Variants in GRSF1 observed in about 807,000 individuals in gnomAD.
GRSF1 encodes G-rich sequence factor 1.
A neutral mutation model predicts 51.1 loss-of-function variants in GRSF1; 50 were observed. That is an observed-to-expected ratio of 0.98 (90% confidence interval 0.78 to 1.24). GRSF1 has a LOEUF of 1.24. Ranked by LOEUF, GRSF1 falls within the 50% of genes most tolerant of loss-of-function variation. The pLI, the probability that GRSF1 is intolerant of heterozygous loss-of-function variation, is 0.00. For missense variants in GRSF1, 700 were observed against 639.7 expected (o/e 1.09, Z -1.02); for synonymous variants, 293 against 253.3 (o/e 1.16, Z -1.49).
intron 1 of GRSF1, 166 bp downstream of exon 1, chr4:70,839,305 C>A (rs1423099831): frequency 6.7e-7 from 1 of 1,501,434 alleles, no homozygotes; most frequent in Non-Finnish European, 8.9e-7. Context: ...TTCCCTTGTT[C>A]CAGGGCCCAA....
upstream of GRSF1, among the ~76,000 whole-genome samples, chr4:70,842,058 C>A (rs1734470858): frequency 6.6e-6 from 1 of 152,148 alleles, no homozygotes; most frequent in African/African-American, 2.4e-5. Flanking sequence ...AAGGGCAGGC[C>A]CCCAAGAGAG....
chr4:70,829,643 ACT>A (rs1249454171), intron 5 of GRSF1, among the ~76,000 whole-genome samples: 6 of 152,028 alleles, frequency 3.9e-5, no homozygotes, highest in Admixed American at 2.6e-4. Flanking sequence ...ACAGAATAAG[ACT>A]CTGTCTAAAA....
chr4:70,839,294 C>G (rs1037784894), intron 1 of GRSF1, 177 bp downstream of exon 1: 8 of 1,499,480 alleles, frequency 5.3e-6, no homozygotes, highest in African/African-American at 1.4e-5. Context: ...CCTGGGAGAG[C>G]TTCCCTTGTT....
chr4:70,841,854 G>T (rs1734467049), upstream of GRSF1, among the ~76,000 whole-genome samples: 1 of 152,226 alleles, frequency 6.6e-6, no homozygotes, highest in Admixed American at 6.5e-5. Flanking sequence ...CAGTCCGACG[G>T]AGAGTATTGT....
At chr4:70,829,180 C>CA (rs1733860054) in intron 5 of GRSF1, among the ~76,000 whole-genome samples, 1 of 152,098 alleles carries the variant, frequency 6.6e-6, no homozygotes, top group Non-Finnish European at 1.5e-5. Flanking sequence ...CATGGGCCAC[C>CA]GCGCCCAGCA....
intron 9 of GRSF1, among the ~76,000 whole-genome samples, chr4:70,823,967 T>A (rs1043719649): frequency 2.0e-5 from 1 of 50,274 alleles, no homozygotes; most frequent in African/African-American, 4.1e-5. Flanking sequence ...TCCACAGTTG[T>A]ATCTCTCTCT....
intron 1 of GRSF1, 65 bp downstream of exon 1, chr4:70,839,406 C>G (rs1356197611): frequency 6.0e-6 from 9 of 1,498,842 alleles, no homozygotes; most frequent in Non-Finnish European, 8.0e-6. Flanking sequence ...GACGGAGGGG[C>G]GCGGGGGCGC....
chr4:70,826,750 G>A (rs1469652814), intron 6 of GRSF1, among the ~76,000 whole-genome samples: 1 of 151,960 alleles, frequency 6.6e-6, no homozygotes, highest in Admixed American at 6.6e-5. Flanking sequence ...CAGGAGGCTG[G>A]GGTGGAAGAA....
rs952996418 is a variant in GRSF1 at position 70,820,687 on chromosome 4, T to C, written c.*200A>G. The C allele has an allele frequency of 5.9e-5, 9 of 152,616 alleles. No individual in the cohort carries two copies. Among genetic ancestry groups the C allele is most frequent in the Non-Finnish European group, 1.2e-4 (8 of 68,042 alleles). 9.5% of individuals were successfully genotyped at this position (152,616 alleles called of 1,614,324 possible). On this transcript the variant is annotated 3_prime_UTR_variant, in exon 10 of 10. Coordinates refer to ENST00000254799, the MANE Select transcript of GRSF1 (RefSeq NM_002092.4). ...AAATTTTAATTTGTGGTTTATTTCA[T>C]AATCCCAAACTGGATCTTTCATTTC...
intron 3 of GRSF1, 117 bp from the exon 4 acceptor site, chr4:70,832,567 T>C (rs1734026784): frequency 3.2e-6 from 2 of 616,716 alleles, no homozygotes; most frequent in Admixed American, 2.9e-5. Flanking sequence ...ATTTTAATCT[T>C]TATGCGCTTC....
chr4:70,827,975 CCTTAT>C lies in GRSF1; in HGVS notation c.1007_1011del (p.Tyr336TrpfsTer11), dbSNP rs1560596840. The C allele has an allele frequency of 6.2e-7, 1 of 1,613,234 alleles. No homozygotes were observed. Among genetic ancestry groups the C allele is most frequent in the Admixed American group, 1.7e-5 (1 of 60,004 alleles). On this transcript the variant is annotated frameshift_variant, in exon 6 of 10. Coordinates refer to ENST00000254799, the MANE Select transcript of GRSF1 (RefSeq NM_002092.4). LOFTEE classifies it high-confidence loss of function. ...GTAGGAAAAGATGCGATTTTCTTTC[CCTTAT>C]AAGAACCGACATGTGTTCGAACTTC...
rs1287724771 is a variant in GRSF1 at position 70,839,549 on chromosome 4, G to A, written c.279C>T (p.Ser93=). 18 of 1,427,608 alleles carry A rather than the reference G, an allele frequency of 1.3e-5. No homozygotes were observed. Among genetic ancestry groups the A allele is most frequent in the Non-Finnish European group, 1.4e-5 (15 of 1,093,754 alleles). The allele number at this position is 1,427,608 out of a possible 1,614,324, so 88.4% of individuals were successfully genotyped here. A position where few individuals can be genotyped will look rare whatever the true frequency, so the allele number is the denominator to read the frequency against. Reference sequence around the variant, plus strand: ...GCAGAGAGGCACGGAGGGCAGAGTAGGACGCGGCGGCCGCGGCCGCGGCAG... The same window carrying A: ...GCAGAGAGGCACGGAGGGCAGAGTAAGACGCGGCGGCCGCGGCCGCGGCAG... ...ATSAAAAAAA[S]YSALRASLLP... The change falls in exon 1 of 10, where the codon TCC becomes TCT. Residue 93 remains serine (S), a synonymous_variant. Transcript: ENST00000254799.
chr4:70,835,287 C>T (rs1323569419), intron 2 of GRSF1, among the ~76,000 whole-genome samples: 1 of 151,038 alleles, frequency 6.6e-6, no homozygotes, highest in Non-Finnish European at 1.5e-5. Flanking sequence ...ACTAAAAATA[C>T]AAAAAATTAA....
At chr4:70,821,538 G>A (rs895597552) in intron 9 of GRSF1, among the ~76,000 whole-genome samples, 2 of 151,388 alleles carry the variant, frequency 1.3e-5, no homozygotes, top group Non-Finnish European at 2.9e-5. Flanking sequence ...CCCGGGGGGC[G>A]GAGGTTGCAG....
chr4:70,832,464 ACC>A lies in GRSF1; in HGVS notation c.671-16_671-15del. The A allele has an allele frequency of 3.8e-6, 6 of 1,564,494 alleles. No homozygotes were observed. The highest frequency in any genetic ancestry group is 5.3e-6 in the Non-Finnish European group (6 of 1,138,022). On this transcript the variant is annotated splice_polypyrimidine_tract_variant and intron_variant, in intron 3 of 9. Transcript: ENST00000254799. ...TTATCTCATATACTACGAAGAAAAAACCCAACAGGGATGAAAAATTTACATAA... is the reference window on the plus strand; with the variant it reads ...TTATCTCATATACTACGAAGAAAAAACAACAGGGATGAAAAATTTACATAA...
At position 70,820,407 on chromosome 4, in the gene GRSF1, G is replaced by A. The variant is rs1216310143; in HGVS notation, c.*480C>T. The A allele has an allele frequency of 6.6e-6, 1 of 152,434 alleles. No individual in the cohort carries two copies. Among genetic ancestry groups the A allele is most frequent in the Non-Finnish European group, 1.5e-5 (1 of 68,004 alleles). 9.4% of individuals were successfully genotyped at this position (152,434 alleles called of 1,614,324 possible). A position where few individuals can be genotyped will look rare whatever the true frequency, so the allele number is the denominator to read the frequency against. ...CCAAACCATACCAGTTCAAAGGTCT[G>A]AAACCGTTCTTTGCTTTGGTGAATG... On this transcript the variant is annotated 3_prime_UTR_variant, in exon 10 of 10. Transcript: ENST00000254799.
Position 70,819,220 on chromosome 4 carries a change from AGGCCCCACAGATCTTTT to A in GRSF1, c.*1650_*1666del, listed in dbSNP as rs1396527581. ...CAATTGCAGATGAATTCCTCACAGT[AGGCCCCACAGATCTTTT>A]CCACAGCAAATCAGATACCAAATGT... On this transcript the variant is annotated 3_prime_UTR_variant, in exon 10 of 10. Coordinates refer to ENST00000254799, the MANE Select transcript of GRSF1 (RefSeq NM_002092.4). 1 of 152,208 alleles carries A rather than the reference AGGCCCCACAGATCTTTT, an allele frequency of 6.6e-6. No homozygotes were observed. The highest frequency in any genetic ancestry group is 1.5e-5 in the Non-Finnish European group (1 of 68,038). The allele number at this position is 152,208 out of a possible 1,614,324, so 9.4% of individuals were successfully genotyped here. A position where few individuals can be genotyped will look rare whatever the true frequency, so the allele number is the denominator to read the frequency against.
In GRSF1 at chr4:70,830,098, G is replaced by T. The variant is rs187754068; in HGVS notation, c.950+1441C>A. 2.4e-3 allele frequency among the ~76,000 whole-genome samples: 370 copies of T among 152,220 alleles called. 1 individual carries two copies. The highest frequency in any genetic ancestry group is 6.1e-3 in the Admixed American group (93 of 15,272). On this transcript the variant is annotated intron_variant, in intron 5 of 9. Transcript: ENST00000254799. ...TCAAAAGTCAATTGCTTTTAAAAAG[G>T]GGGGAAGAATAAGTAAGGGGGATTT...
chr4:70,839,307 A>C, intron 1 of GRSF1, 164 bp downstream of exon 1: 9 of 1,492,346 alleles, frequency 6.0e-6, no homozygotes, highest in East Asian at 2.7e-5. Flanking sequence ...CCCTTGTTCC[A>C]GGGCCCAATA....
Sources: gnomAD v4.1 joint callset for allele counts (sites outside exome capture counted in the v4.1 genomes callset) on GRCh38, gnomAD v4.1.1 for gene constraint, MANE v1.5 for transcripts, NCBI Gene and HGNC (gene_info 2026-07-23, HGNC 2026-07-21) for gene names.